The following RYR2 variants were observed in gnomAD, a reference collection of about 807,000 sequenced individuals.
RYR2 encodes cardiac muscle ryanodine receptor-calcium release channel.
RYR2 carries 227 observed loss-of-function variants against 601.1 expected under a neutral mutation model. The observed-to-expected ratio is 0.38, with a 90% CI of 0.34 to 0.42. RYR2 has a LOEUF of 0.42. Among genes scored for constraint, RYR2 ranks in the 10% least tolerant of loss-of-function variants. The pLI, the probability that RYR2 is intolerant of heterozygous loss-of-function variation, is 1.00. For synonymous variants in RYR2, 2,223 were observed against 2,175.1 expected, an observed-to-expected ratio of 1.02 and a Z score of -0.61; for missense variants, 4,646 against 6,156.5, an observed-to-expected ratio of 0.75 and a Z score of 8.21.
intron 10 of RYR2, among the ~76,000 whole-genome samples, chr1:237,399,634 CA>C (rs1196500022): frequency 2.0e-5 from 3 of 152,278 alleles, no homozygotes; most frequent in Non-Finnish European, 4.4e-5. Flanking sequence ...CAAAGGAGAC[CA>C]GGGGGTTTTT....
At chr1:237,067,073 A>G (rs1300197077) in intron 1 of RYR2, among the ~76,000 whole-genome samples, 2 of 152,088 alleles carry the variant, frequency 1.3e-5, no homozygotes, top group African/African-American at 4.8e-5. Flanking sequence ...TGGTTTGCAA[A>G]TGTTTTCTCC....
At chr1:237,459,643 C>A (rs1344698125) in intron 16 of RYR2, among the ~76,000 whole-genome samples, 1 of 152,142 alleles carries the variant, frequency 6.6e-6, no homozygotes, top group East Asian at 1.9e-4. Context: ...CCCATTGCAG[C>A]AAAGTTAGCA....
intron 1 of RYR2, among the ~76,000 whole-genome samples, chr1:237,135,622 C>T (rs780499926): frequency 6.6e-5 from 10 of 151,690 alleles, no homozygotes; most frequent in Non-Finnish European, 1.5e-4. Context: ...GTGATCCGCT[C>T]GCCTCAGCCT....
At chr1:237,211,605 A>T (rs2149095844) in intron 1 of RYR2, among the ~76,000 whole-genome samples, 1 of 152,320 alleles carries the variant, frequency 6.6e-6, no homozygotes, top group African/African-American at 2.4e-5. Context: ...CCACTGAATC[A>T]TCTACTTTCC....
rs369250678 is a variant in RYR2 at position 237,611,051 on chromosome 1, G to A, written c.4910+63G>A. 60 of 1,424,382 alleles carry A rather than the reference G, an allele frequency of 4.2e-5. No individual in the cohort carries two copies. In the Middle Eastern group the frequency reaches 1.6e-3, roughly 37 times the overall value. 88.2% of individuals were successfully genotyped at this position (1,424,382 alleles called of 1,614,324 possible). ...GCTTGGGATTAGCCTGCTGCCCGGG[G>A]CTTCCGGTAGTGGTGCGGGGCAGGG... On this transcript the variant is annotated intron_variant, in intron 36 of 104. Coordinates refer to ENST00000366574, the MANE Select transcript of RYR2 (RefSeq NM_001035.3).
At chr1:237,689,724 T>C (rs1424264201) in intron 63 of RYR2, among the ~76,000 whole-genome samples, 1 of 152,238 alleles carries the variant, frequency 6.6e-6, no homozygotes, top group African/African-American at 2.4e-5. Flanking sequence ...TTTTATATTA[T>C]TAAAGTGTAT....
intron 1 of RYR2, among the ~76,000 whole-genome samples, chr1:237,251,568 A>T (rs887501325): frequency 3.9e-5 from 6 of 152,140 alleles, no homozygotes; most frequent in African/African-American, 4.8e-5. Context: ...TTCCAACCTC[A>T]TAATGTTGGT....
intron 35 of RYR2, 73 bp downstream of exon 35, chr1:237,602,184 G>T (rs1676577568): frequency 8.8e-7 from 1 of 1,141,330 alleles, no homozygotes; most frequent in Non-Finnish European, 1.3e-6. Flanking sequence ...ATTCTGAAAT[G>T]AATTCAGTAT....
At chr1:237,215,658 G>A (rs1301442563) in intron 1 of RYR2, among the ~76,000 whole-genome samples, 2 of 152,080 alleles carry the variant, frequency 1.3e-5, no homozygotes, top group East Asian at 3.9e-4. Flanking sequence ...TCCTAGTCTT[G>A]TAAACTTAGG....
intron 14 of RYR2, among the ~76,000 whole-genome samples, chr1:237,447,768 C>T (rs1283965377): frequency 2.0e-5 from 3 of 150,920 alleles, no homozygotes; most frequent in Non-Finnish European, 4.4e-5. Context: ...CTTTTCTTTC[C>T]GTCTGTCTCT....
At chr1:237,258,965 T>G (rs2149303881) in intron 1 of RYR2, among the ~76,000 whole-genome samples, 1 of 152,094 alleles carries the variant, frequency 6.6e-6, no homozygotes, top group East Asian at 1.9e-4. Context: ...GCCTTCTGCC[T>G]TCTGCTTGGC....
intron 24 of RYR2, among the ~76,000 whole-genome samples, chr1:237,521,079 T>C (rs1667035016): frequency 6.6e-6 from 1 of 152,062 alleles, no homozygotes; most frequent in Admixed American, 6.6e-5. Context: ...GTCCCAACAA[T>C]GAAAAGCCCA....
intron 18 of RYR2, among the ~76,000 whole-genome samples, 172 bp downstream of exon 18, chr1:237,492,096 G>A (rs539281836): frequency 1.5e-4 from 23 of 152,254 alleles, no homozygotes; most frequent in African/African-American, 4.1e-4. Context: ...GCAGTGGCGC[G>A]ATCTCAGCCC....
At chr1:237,087,902 A>G (rs1268993139) in intron 1 of RYR2, among the ~76,000 whole-genome samples, 2 of 152,210 alleles carry the variant, frequency 1.3e-5, no homozygotes, top group South Asian at 2.1e-4. Context: ...ATCACTTTAG[A>G]TAGATGGTAT....
chr1:237,580,864 T>A (rs951552665), intron 29 of RYR2, among the ~76,000 whole-genome samples: 3 of 152,196 alleles, frequency 2.0e-5, no homozygotes, highest in Admixed American at 6.5e-5. Context: ...GGCTGCCATC[T>A]ACACACCATG....
intron 21 of RYR2, 56 bp downstream of exon 21, chr1:237,500,959 A>G (rs549989880): frequency 1.3e-6 from 2 of 1,493,762 alleles, no homozygotes; most frequent in African/African-American, 1.4e-5. Flanking sequence ...ATACCTCCAC[A>G]GAAGACTCTG....
intron 97 of RYR2, among the ~76,000 whole-genome samples, chr1:237,801,027 T>A (rs540783206): frequency 3.5e-5 from 5 of 142,488 alleles, no homozygotes; most frequent in African/African-American, 1.2e-4. Context: ...AGAAGGTGAA[T>A]TTTCTGGAAA....
intron 25 of RYR2, among the ~76,000 whole-genome samples, chr1:237,546,830 A>G (rs921654223): frequency 1.4e-4 from 21 of 151,792 alleles, no homozygotes; most frequent in Admixed American, 8.5e-4. Flanking sequence ...CCTACCATGT[A>G]TTGGTCACTA....
chr1:237,691,827 C>G (rs903350532), intron 63 of RYR2, among the ~76,000 whole-genome samples: 1 of 152,064 alleles, frequency 6.6e-6, no homozygotes, highest in East Asian at 1.9e-4. Flanking sequence ...GTGCACATAA[C>G]GAATTTTGGA....
Sources: gnomAD v4.1 joint callset for allele counts (sites outside exome capture counted in the v4.1 genomes callset) on GRCh38, gnomAD v4.1.1 for gene constraint, MANE v1.5 for transcripts, NCBI Gene and HGNC (gene_info 2026-07-23, HGNC 2026-07-21) for gene names.